GLYR1: variants seen among roughly 807,000 people sequenced by gnomAD.
The protein encoded by GLYR1 is cytokine-like nuclear factor N-PAC.
In GLYR1, 21 loss-of-function variants were observed where a neutral mutation model predicts 72.7. That is an observed-to-expected ratio of 0.29 (90% CI 0.20 to 0.42). GLYR1 has a LOEUF of 0.42. GLYR1 is among the 10% of genes least tolerant of loss of function. The pLI is 1.00. For missense variants in GLYR1, 594 were observed against 712.1 expected (o/e 0.83, Z 1.89); for synonymous variants, 392 against 270.2 (o/e 1.45, Z -4.42).
chr16:4,808,231 G>A lies in GLYR1; in HGVS notation c.1588-2921C>T, dbSNP rs779668635. Reference sequence around the variant, plus strand: ...AGCCTGGGCAACAGAGTGAGACTCTGTCTCAAAAAAAAAAAAAAAAAAAAA... The same window carrying A: ...AGCCTGGGCAACAGAGTGAGACTCTATCTCAAAAAAAAAAAAAAAAAAAAA... On this transcript the variant is annotated intron_variant, in intron 15 of 15. Coordinates refer to ENST00000321919, the MANE Select transcript of GLYR1 (RefSeq NM_032569.4). Among the ~76,000 whole-genome samples, 385 of 106,872 alleles carry A rather than the reference G, an allele frequency of 3.6e-3. 1 individual carries two copies. The highest frequency in any genetic ancestry group is 5.9e-3 in the Middle Eastern group (1 of 170). 70.1% of individuals were successfully genotyped at this position (106,872 alleles called of 152,430 possible).
intron 6 of GLYR1, among the ~76,000 whole-genome samples, chr16:4,823,380 C>T (rs1313707684): frequency 6.6e-6 from 1 of 152,226 alleles, no homozygotes; most frequent in East Asian, 1.9e-4. Flanking sequence ...GTAGCCACGA[C>T]AGTGGACCTT....
intron 1 of GLYR1, chr16:4,846,539 A>G (rs1218038509): frequency 2.0e-5 from 6 of 294,834 alleles, no homozygotes; most frequent in Admixed American, 4.2e-5. Context: ...GGTTTAATTC[A>G]ACAGGAGACC....
Position 4,823,926 on chromosome 16 carries a change from G to C in GLYR1, c.538-19C>G. ...TGAGATCCTATAGAGGGAGGGGCAG[G>C]GCATTTTAAAATCACATTCAAACCC... On this transcript the variant is annotated intron_variant, in intron 5 of 15. Transcript: ENST00000321919. The C allele has an allele frequency of 6.2e-7, 1 of 1,602,616 alleles. No individual in the cohort carries two copies. The highest frequency in any genetic ancestry group is 8.5e-7 in the Non-Finnish European group (1 of 1,169,848).
chr16:4,832,304 G>T, intron 4 of GLYR1, 83 bp from the exon 5 acceptor site: 1 of 1,531,724 alleles, frequency 6.5e-7, no homozygotes, highest in Non-Finnish European at 8.9e-7. Context: ...GCCATGTGCT[G>T]CTACAGGCAC....
chr16:4,842,169 G>A (rs1596412389), intron 3 of GLYR1, among the ~76,000 whole-genome samples: 3 of 151,828 alleles, frequency 2.0e-5, no homozygotes, highest in Non-Finnish European at 4.4e-5. Flanking sequence ...GCATGAACCC[G>A]GGAGGTGGAG....
chr16:4,833,807 A>C (rs1183984353), intron 3 of GLYR1, among the ~76,000 whole-genome samples: 12 of 152,228 alleles, frequency 7.9e-5, no homozygotes, highest in Admixed American at 5.9e-4. Context: ...AACCTGAACA[A>C]ATCTGCTGCA....
chr16:4,847,048 G>A (rs1362988694), intron 1 of GLYR1, 180 bp downstream of exon 1: 1 of 597,504 alleles, frequency 1.7e-6, no homozygotes, highest in Non-Finnish European at 2.9e-6. Context: ...CTCGGCCTCG[G>A]TCCCCCGGGA....
At chr16:4,822,985 T>C in intron 6 of GLYR1, 54 bp from the exon 7 acceptor site, 2 of 1,453,518 alleles carry the variant, frequency 1.4e-6, no homozygotes, top group Non-Finnish European at 1.9e-6. Flanking sequence ...AAAGGTCACT[T>C]CCTTCTCCCT....
At chr16:4,845,759 G>A (rs1427506353) in intron 2 of GLYR1, among the ~76,000 whole-genome samples, 1 of 152,146 alleles carries the variant, frequency 6.6e-6, no homozygotes, top group African/African-American at 2.4e-5. Context: ...AAGAGGCACT[G>A]GAGTAGCACA....
At chr16:4,808,734 G>T (rs567114563) in intron 15 of GLYR1, among the ~76,000 whole-genome samples, 7 of 148,624 alleles carry the variant, frequency 4.7e-5, no homozygotes, top group African/African-American at 1.7e-4. Context: ...TTTTTCAGTT[G>T]TTTTTTTTTT....
In GLYR1 at chr16:4,837,867, G is replaced by A. The variant is rs369362280; in HGVS notation, c.156-4955C>T. Among the ~76,000 whole-genome samples the A allele has an allele frequency of 2.6e-5, 4 of 152,050 alleles. No homozygotes were observed. The South Asian group carries it at 8.3e-4, about 32-fold the overall frequency. On this transcript the variant is annotated intron_variant, in intron 3 of 15. Coordinates refer to ENST00000321919, the MANE Select transcript of GLYR1 (RefSeq NM_032569.4). ...AATCGCTTGAACCCAGGAGGCGGAG[G>A]TTGCAGTGAGCCAAGATCGTGCCAC...
intron 3 of GLYR1, among the ~76,000 whole-genome samples, chr16:4,833,630 T>C (rs1488269542): frequency 3.4e-5 from 5 of 148,480 alleles, no homozygotes; most frequent in African/African-American, 1.3e-4. Flanking sequence ...TGGCATGCTG[T>C]TTTATGATGT....
intron 15 of GLYR1, 55 bp downstream of exon 15, chr16:4,811,115 A>G (rs887834067): frequency 1.2e-5 from 19 of 1,569,222 alleles, no homozygotes; most frequent in East Asian, 2.2e-5. Flanking sequence ...AAAAAAAAAA[A>G]AAAGAAAGAA....
chr16:4,826,708 T>A (rs549548367), intron 5 of GLYR1, among the ~76,000 whole-genome samples: 1 of 152,214 alleles, frequency 6.6e-6, no homozygotes. Context: ...CACTGTGTGA[T>A]AGAGCAGGCG....
chr16:4,846,103 G>T (rs550355891), intron 2 of GLYR1, 71 bp downstream of exon 2: 1 of 1,499,124 alleles, frequency 6.7e-7, no homozygotes, highest in East Asian at 2.3e-5. Context: ...AAACTGAGAG[G>T]AATGCATCTT....
At chr16:4,810,603 C>T (rs1436845339) in intron 15 of GLYR1, among the ~76,000 whole-genome samples, 1 of 148,116 alleles carries the variant, frequency 6.8e-6, no homozygotes, top group East Asian at 2.0e-4. Flanking sequence ...GTGGCTCACA[C>T]CTGTAATCCC....
chr16:4,834,653 A>T (rs997262192), intron 3 of GLYR1, among the ~76,000 whole-genome samples: 2 of 151,986 alleles, frequency 1.3e-5, no homozygotes, highest in Admixed American at 6.6e-5. Context: ...TCTAGTAGAG[A>T]CGGGGTTTCC....
chr16:4,807,260 C>T (rs1010393912), intron 15 of GLYR1, among the ~76,000 whole-genome samples: 46 of 151,790 alleles, frequency 3.0e-4, no homozygotes, highest in African/African-American at 1.1e-3. Context: ...TAATAGTGCC[C>T]GCCACTATGC....
chr16:4,812,399 C>A (rs1297820732), intron 12 of GLYR1, 151 bp from the exon 13 acceptor site: 12 of 763,206 alleles, frequency 1.6e-5, no homozygotes, highest in South Asian at 5.6e-5. Context: ...TTAGCTGACA[C>A]CTAAACTCAG....
Sources: allele counts gnomAD v4.1 joint callset (sites outside exome capture counted in the v4.1 genomes callset), GRCh38; gene constraint gnomAD v4.1.1; transcripts MANE v1.5; gene names NCBI Gene and HGNC (gene_info 2026-07-23, HGNC 2026-07-21).